Variants in GPR149 observed in about 807,000 individuals in gnomAD.
The protein encoded by GPR149 is G protein-coupled receptor 149, also known as probable G protein-coupled receptor 149.
Under a neutral mutation model 50.2 loss-of-function variants are expected in GPR149, and 50 were observed. That is an observed-to-expected ratio of 1.00 (90% CI 0.79 to 1.26). The LOEUF (loss-of-function observed/expected upper bound fraction) is 1.26. GPR149 is among the 50% of genes most tolerant of loss of function. The pLI, the probability that GPR149 is intolerant of heterozygous loss-of-function variation, is 0.00. For missense variants in GPR149, 983 were observed against 895.4 expected (o/e 1.10, Z -1.25); for synonymous variants, 405 against 358.2 (o/e 1.13, Z -1.48).
chr3:154,379,395 T>G (rs1714866754), intron 3 of GPR149, among the ~76,000 whole-genome samples: 1 of 152,078 alleles, frequency 6.6e-6, no homozygotes, highest in South Asian at 2.1e-4. Context: ...ATAAATTAAA[T>G]GTACTTATTT....
At chr3:154,354,398 A>T (rs1245750291) in intron 3 of GPR149, among the ~76,000 whole-genome samples, 1 of 152,218 alleles carries the variant, frequency 6.6e-6, no homozygotes, top group Non-Finnish European at 1.5e-5. Flanking sequence ...TTCTAAGGCT[A>T]TACAAAATAA....
At chr3:154,346,999 CT>C (rs1373953077) in intron 3 of GPR149, among the ~76,000 whole-genome samples, 1 of 152,130 alleles carries the variant, frequency 6.6e-6, no homozygotes, top group Non-Finnish European at 1.5e-5. Context: ...GAATAAGAGC[CT>C]TGTATCAACC....
chr3:154,378,884 T>C (rs547762937), intron 3 of GPR149, among the ~76,000 whole-genome samples: 11 of 152,308 alleles, frequency 7.2e-5, no homozygotes, highest in Admixed American at 3.9e-4. Context: ...TTTTCTCCAT[T>C]TTAAAAACTG....
intron 3 of GPR149, among the ~76,000 whole-genome samples, chr3:154,345,649 G>A (rs977367657): frequency 2.6e-5 from 4 of 152,152 alleles, no homozygotes; most frequent in Admixed American, 2.0e-4. Flanking sequence ...TTGATTCAGA[G>A]TTACTGACCT....
rs1401873291 is a variant in GPR149, at chr3:154,347,568, A to T, written c.1624-9297T>A. On this transcript the variant is annotated intron_variant, in intron 3 of 3. Coordinates refer to ENST00000389740, the MANE Select transcript of GPR149 (RefSeq NM_001038705.3). ...TTAGGTGGGGACACCGCCAAACCAT[A>T]TTACATGTGAAATCTACTACATGCG... 5.9e-5 allele frequency among the ~76,000 whole-genome samples: 9 copies of T among 152,254 alleles called. No individual in the cohort carries two copies. The East Asian group carries it at 1.2e-3, about 20-fold the overall frequency.
intron 3 of GPR149, among the ~76,000 whole-genome samples, chr3:154,413,079 C>CA (rs1208362051): frequency 1.3e-5 from 2 of 152,022 alleles, no homozygotes; most frequent in African/African-American, 4.8e-5. Flanking sequence ...ACAAATGGTG[C>CA]TGGGATAATT....
chr3:154,364,390 A>G (rs1486128615), intron 3 of GPR149, among the ~76,000 whole-genome samples: 1 of 152,184 alleles, frequency 6.6e-6, no homozygotes, highest in Non-Finnish European at 1.5e-5. Context: ...GTAGACCCCA[A>G]AAGTCTTAAC....
chr3:154,357,519 G>A (rs72998643), intron 3 of GPR149, among the ~76,000 whole-genome samples: 2,004 of 152,110 alleles, frequency 0.013, 44 homozygotes, highest in African/African-American at 0.047. Flanking sequence ...AAAAGACACA[G>A]CCAAAGGACA....
At chr3:154,344,636 C>T (rs1394637344) in intron 3 of GPR149, among the ~76,000 whole-genome samples, 2 of 152,046 alleles carry the variant, frequency 1.3e-5, no homozygotes, top group Non-Finnish European at 2.9e-5. Context: ...GAAATTTGGA[C>T]GCAGATGTAC....
intron 3 of GPR149, among the ~76,000 whole-genome samples, chr3:154,400,211 C>A (rs1410513986): frequency 6.6e-6 from 1 of 152,106 alleles, no homozygotes; most frequent in African/African-American, 2.4e-5. Flanking sequence ...TGGTCTCAAT[C>A]TCCTGACCTC....
At chr3:154,413,738 CAG>C (rs1358778109) in intron 3 of GPR149, among the ~76,000 whole-genome samples, 2 of 151,684 alleles carry the variant, frequency 1.3e-5, no homozygotes, top group Non-Finnish European at 2.9e-5. Flanking sequence ...CTATAGAAAA[CAG>C]TGTGGAGATT....
In GPR149 at chr3:154,337,866, G is replaced by A. The variant is rs1454335036; in HGVS notation, c.2029C>T (p.Pro677Ser). 2 of 1,613,256 alleles carry A rather than the reference G, an allele frequency of 1.2e-6. No individual in the cohort carries two copies. Among genetic ancestry groups the A allele is most frequent in the Non-Finnish European group, 1.7e-6 (2 of 1,179,748 alleles). The change falls in exon 4 of 4, where the codon CCC becomes TCC. Residue 677 changes from proline to serine, a missense_variant. Pro to Ser is a moderately conservative substitution (Grantham distance 74, BLOSUM62 -1). Coordinates refer to ENST00000389740, the MANE Select transcript of GPR149 (RefSeq NM_001038705.3). ...ATATCACCATCAGGATTACTGGTGG[G>A]CAAAAAGAGGGAGTATGAGGCTGTT... Reference protein sequence around the residue: ...GETASYSLFLPTSNPDGDINI... With the variant: ...GETASYSLFLSTSNPDGDINI...
intron 3 of GPR149, among the ~76,000 whole-genome samples, chr3:154,387,964 A>AT (rs1223634285): frequency 1.3e-5 from 2 of 152,152 alleles, no homozygotes; most frequent in East Asian, 1.9e-4. Flanking sequence ...AGCATAGCTT[A>AT]TTTTTTTAAT....
Position 154,428,769 on chromosome 3 carries a change from C to G in GPR149, c.847G>C (p.Ala283Pro). The change falls in exon 1 of 4, where the codon GCT becomes CCT. Residue 283 changes from alanine to proline, a missense_variant. Physicochemically the swap from Ala to Pro is conservative, Grantham distance 27. Transcript: ENST00000389740. The stretch of plus-strand genomic sequence containing the variant: ...TCACGCCTGCAGGCTTCAGCCCCAG[C>G]GGCAGCGGGCGCACCCGGTCCGAAC... ...TVFGPGAPAA[A>P]GAEACRRENR... is the part of the protein sequence containing the mutation. 1 of 1,613,842 alleles carries G rather than the reference C, an allele frequency of 6.2e-7. No individual in the cohort carries two copies.
chr3:154,360,806 CTCTT>C (rs1714361439), intron 3 of GPR149, among the ~76,000 whole-genome samples: 1 of 152,116 alleles, frequency 6.6e-6, no homozygotes, highest in Admixed American at 6.6e-5. Context: ...AGATGCCTCT[CTCTT>C]CTTGGTAGTT....
chr3:154,358,826 G>C lies in GPR149; in HGVS notation c.1624-20555C>G, dbSNP rs72998649. On this transcript the variant is annotated intron_variant, in intron 3 of 3. Transcript: ENST00000389740. The stretch of plus-strand genomic sequence containing the variant: ...AGACCATGTAAGATCCTGTAGATAT[G>C]GTCATATACAGGGATGTGCATGTCT... 5.7e-3 allele frequency among the ~76,000 whole-genome samples: 867 copies of C among 152,228 alleles called. 10 individuals carry two copies. The highest frequency in any genetic ancestry group is 0.019 in the African/African-American group (808 of 41,528).
intron 3 of GPR149, among the ~76,000 whole-genome samples, chr3:154,390,188 C>T (rs1244755851): frequency 1.3e-5 from 2 of 151,874 alleles, no homozygotes; most frequent in Admixed American, 6.6e-5. Flanking sequence ...CACAAAGAGT[C>T]GAGAATAAAG....
chr3:154,427,181 A>G (rs540000425), intron 2 of GPR149, among the ~76,000 whole-genome samples: 1 of 152,174 alleles, frequency 6.6e-6, no homozygotes, highest in East Asian at 1.9e-4. Context: ...TATATTTTCT[A>G]TTCTGGACTA....
At chr3:154,422,983 C>A (rs1290937364) in intron 2 of GPR149, among the ~76,000 whole-genome samples, 1 of 151,762 alleles carries the variant, frequency 6.6e-6, no homozygotes, top group African/African-American at 2.4e-5. Flanking sequence ...CATAAAATCC[C>A]AATTTTGTGA....
Sources: gnomAD v4.1 joint callset for allele counts (sites outside exome capture counted in the v4.1 genomes callset) on GRCh38, gnomAD v4.1.1 for gene constraint, MANE v1.5 for transcripts, NCBI Gene and HGNC (gene_info 2026-07-23, HGNC 2026-07-21) for gene names.